TMEM108: variants seen among roughly 807,000 people sequenced by gnomAD.
TMEM108 encodes the protein cancer/testis antigen 124.
A neutral mutation model predicts 35.1 loss-of-function variants in TMEM108; 12 were observed. The ratio of observed to expected loss-of-function variants is 0.34; its 90% CI spans 0.22 to 0.55. The LOEUF is 0.55. Ranked by LOEUF, TMEM108 falls within the 20% of genes least tolerant of loss-of-function variation. The pLI is 0.89. For missense variants in TMEM108, 680 were observed against 753.3 expected, an observed-to-expected ratio of 0.90 and a Z score of 1.14; for synonymous variants, 287 against 308.6, an observed-to-expected ratio of 0.93 and a Z score of 0.73.
intron 2 of TMEM108, among the ~76,000 whole-genome samples, chr3:133,074,588 C>G (rs1351094441): frequency 1.3e-5 from 2 of 152,206 alleles, no homozygotes; most frequent in South Asian, 4.1e-4. Context: ...CTCCCAGGTT[C>G]AAGCGATTCT....
intron 2 of TMEM108, among the ~76,000 whole-genome samples, chr3:133,065,471 T>C (rs1943595593): frequency 6.6e-6 from 1 of 151,972 alleles, no homozygotes. Context: ...TTTGTAGCTC[T>C]AGTTAGTATA....
At chr3:133,073,508 C>CTATATATA (rs1273905276) in intron 2 of TMEM108, among the ~76,000 whole-genome samples, 21 of 68,978 alleles carry the variant, frequency 3.0e-4, no homozygotes, top group African/African-American at 1.0e-3. Context: ...CTCTCTCTCT[C>CTATATATA]TCTATATATA....
chr3:133,392,137 C>T (rs1029365872), intron 5 of TMEM108, among the ~76,000 whole-genome samples: 1 of 150,814 alleles, frequency 6.6e-6, no homozygotes, highest in Non-Finnish European at 1.5e-5. Context: ...CACCACTTCT[C>T]TTCTTTTTTT....
At chr3:133,372,446 T>A (rs1576517380) in intron 3 of TMEM108, among the ~76,000 whole-genome samples, 1 of 152,344 alleles carries the variant, frequency 6.6e-6, no homozygotes, top group South Asian at 2.1e-4. Context: ...ATGCTTACTC[T>A]GTGTGGGTGT....
chr3:133,315,731 G>A (rs551017276), intron 3 of TMEM108, among the ~76,000 whole-genome samples: 2 of 152,284 alleles, frequency 1.3e-5, no homozygotes, highest in South Asian at 2.1e-4. Context: ...GCCGAGAGAT[G>A]GATTTTGTAA....
intron 2 of TMEM108, among the ~76,000 whole-genome samples, chr3:133,064,700 G>T (rs1943574546): frequency 6.6e-6 from 1 of 150,900 alleles, no homozygotes; most frequent in South Asian, 2.1e-4. Flanking sequence ...GTTGGTTAGA[G>T]AAATAAACCT....
At position 133,379,962 on chromosome 3, in the gene TMEM108, C is replaced by G; in HGVS notation, c.251C>G (p.Pro84Arg). The change falls in exon 4 of 6, where the codon CCG becomes CGG. Residue 84 changes from proline to arginine, a missense_variant. Pro to Arg is a moderately radical substitution (Grantham distance 103). Coordinates refer to ENST00000321871, the MANE Select transcript of TMEM108 (RefSeq NM_023943.4). ...CAGGCTGCAGCTCCCATGGCAACACCGACACCCCGTGCAGAGGGGCACCCT... is the reference window on the plus strand; with the variant it reads ...CAGGCTGCAGCTCCCATGGCAACACGGACACCCCGTGCAGAGGGGCACCCT... ...PSQAAAPMAT[P>R]TPRAEGHPPT... 1 of 1,613,850 alleles carries G rather than the reference C, an allele frequency of 6.2e-7. No homozygotes were observed. The highest frequency in any genetic ancestry group is 8.5e-7 in the Non-Finnish European group (1 of 1,179,890).
At chr3:133,274,723 C>G (rs1946816308) in intron 3 of TMEM108, among the ~76,000 whole-genome samples, 1 of 152,144 alleles carries the variant, frequency 6.6e-6, no homozygotes, top group African/African-American at 2.4e-5. Context: ...TAATAACAAC[C>G]ATTTCCCTGG....
At chr3:133,199,163 T>C (rs865874895) in intron 2 of TMEM108, among the ~76,000 whole-genome samples, 5 of 152,170 alleles carry the variant, frequency 3.3e-5, no homozygotes, top group African/African-American at 9.7e-5. Flanking sequence ...CTTCTCTGCA[T>C]TGGTTATTCT....
intron 3 of TMEM108, among the ~76,000 whole-genome samples, chr3:133,370,796 G>A (rs2107813739): frequency 6.6e-6 from 1 of 151,540 alleles, no homozygotes; most frequent in East Asian, 1.9e-4. Flanking sequence ...CTCCTTAAAG[G>A]AAATGGCTAT....
At chr3:133,046,732 C>G (rs1943344279) in intron 2 of TMEM108, among the ~76,000 whole-genome samples, 2 of 152,128 alleles carry the variant, frequency 1.3e-5, no homozygotes, top group Non-Finnish European at 1.5e-5. Context: ...GAAAGGACAT[C>G]ACATCCTTTC....
At chr3:133,297,495 C>A (rs1161700163) in intron 3 of TMEM108, among the ~76,000 whole-genome samples, 1 of 152,084 alleles carries the variant, frequency 6.6e-6, no homozygotes, top group Non-Finnish European at 1.5e-5. Flanking sequence ...TAAACATGAT[C>A]TAGATGATTT....
chr3:133,143,971 A>ATTTTATTTTG (rs1944677013), intron 2 of TMEM108, among the ~76,000 whole-genome samples: 1 of 118,160 alleles, frequency 8.5e-6, no homozygotes, highest in South Asian at 2.6e-4. Context: ...ATTTTATTTT[A>ATTTTATTTTG]TTTTATTTTA....
intron 3 of TMEM108, among the ~76,000 whole-genome samples, chr3:133,269,051 G>A (rs1185457683): frequency 6.6e-6 from 1 of 152,170 alleles, no homozygotes; most frequent in Non-Finnish European, 1.5e-5. Flanking sequence ...AGTGCATCTT[G>A]TGATGTTCTC....
intron 3 of TMEM108, among the ~76,000 whole-genome samples, chr3:133,250,781 A>G (rs957725529): frequency 2.0e-5 from 3 of 152,222 alleles, no homozygotes; most frequent in Non-Finnish European, 4.4e-5. Flanking sequence ...CTGAGTAGCA[A>G]ATATAATAAT....
chr3:133,083,117 C>G (rs1302300132), intron 2 of TMEM108, among the ~76,000 whole-genome samples: 1 of 152,128 alleles, frequency 6.6e-6, no homozygotes, highest in Non-Finnish European at 1.5e-5. Context: ...GTTCCTGAGC[C>G]TGTGCTTTCA....
chr3:133,242,514 A>G (rs756761780), intron 3 of TMEM108, among the ~76,000 whole-genome samples: 2 of 152,198 alleles, frequency 1.3e-5, no homozygotes, highest in African/African-American at 2.4e-5. Flanking sequence ...GAGCTGGTCT[A>G]AAAGCTCCCG....
At chr3:133,313,106 C>T (rs910584589) in intron 3 of TMEM108, among the ~76,000 whole-genome samples, 2 of 152,050 alleles carry the variant, frequency 1.3e-5, no homozygotes, top group East Asian at 1.9e-4. Flanking sequence ...TAATCTGGAA[C>T]GTTTGTCTAG....
intron 2 of TMEM108, among the ~76,000 whole-genome samples, chr3:133,228,235 T>A (rs1946102957): frequency 6.6e-6 from 1 of 151,664 alleles, no homozygotes; most frequent in African/African-American, 2.4e-5. Context: ...ACTTGGGATG[T>A]CATGAGAAAA....
Sources: gnomAD v4.1 joint callset for allele counts (sites outside exome capture counted in the v4.1 genomes callset) on GRCh38, gnomAD v4.1.1 for gene constraint, MANE v1.5 for transcripts, NCBI Gene and HGNC (gene_info 2026-07-23, HGNC 2026-07-21) for gene names.